Variants in ASPM observed in about 807,000 individuals in gnomAD.
ASPM encodes assembly factor for spindle microtubules.
Under a neutral mutation model 366.4 loss-of-function variants are expected in ASPM, and 256 were observed. The ratio of observed to expected loss-of-function variants is 0.70; its 90% CI spans 0.63 to 0.77. The LOEUF is 0.77. Ranked by LOEUF, ASPM falls within the 30% of genes least tolerant of loss-of-function variation. The pLI is 0.00. For synonymous variants in ASPM, 1,414 were observed against 1,342.9 expected (o/e 1.05, Z -1.16); for missense variants, 4,146 against 4,090.4 (o/e 1.01, Z -0.37).
Position 197,135,084 on chromosome 1 carries a change from T to C in ASPM, c.2173+12A>G, listed in dbSNP as rs546158337. ...AAGTATTATTAAATTTAAACATTAA[T>C]TTAACGTTTACCTTCAGAAATATTT... On this transcript the variant is annotated intron_variant, in intron 5 of 27. Coordinates refer to ENST00000367409, the MANE Select transcript of ASPM (RefSeq NM_018136.5). 3.3e-6 allele frequency: 5 copies of C among 1,515,644 alleles called. No individual in the cohort carries two copies. The highest frequency in any genetic ancestry group is 2.3e-5 in the East Asian group (1 of 43,044). The allele number at this position is 1,515,644 out of a possible 1,614,324, so 93.9% of individuals were successfully genotyped here.
At chr1:197,098,062 T>G (rs1251163123) in intron 18 of ASPM, among the ~76,000 whole-genome samples, 2 of 150,114 alleles carry the variant, frequency 1.3e-5, no homozygotes, top group Non-Finnish European at 3.0e-5. Context: ...TTACAGACAT[T>G]GACAAGAGAA....
In ASPM at chr1:197,146,534, G is replaced by A; in HGVS notation, c.-97C>T. 1 of 1,407,604 alleles carries A rather than the reference G, an allele frequency of 7.1e-7. No homozygotes were observed. The allele number at this position is 1,407,604 out of a possible 1,614,324, so 87.2% of individuals were successfully genotyped here. ...ACTTACGCTGACCGCTTCCCCTCAG[G>A]GGCGGCTGTAGAGGTCGTGGGAGTG... On this transcript the variant is annotated 5_prime_UTR_variant, in exon 1 of 28. Coordinates refer to ENST00000367409, the MANE Select transcript of ASPM (RefSeq NM_018136.5).
intron 4 of ASPM, chr1:197,139,306 C>G (rs1335798289): frequency 2.0e-5 from 17 of 834,214 alleles, no homozygotes; most frequent in Non-Finnish European, 3.0e-5. Flanking sequence ...GATAACAGCC[C>G]ATGTTTTTGG....
chr1:197,143,331 G>A lies in ASPM; in HGVS notation c.921C>T (p.Asn307=), dbSNP rs562871822. ...GAAAATGTATTTGGCTTTGTGTAAT[G>A]TTCAAAGTTGAAGAACAGTTGGGGG... ...SLTPNCSSTL[N]ITQSQIHFLS... The change falls in exon 3 of 28, where the codon AAC becomes AAT. Residue 307 remains asparagine (N), a synonymous_variant. Transcript: ENST00000367409. The A allele has an allele frequency of 5.0e-6, 8 of 1,613,946 alleles. No homozygotes were observed. The highest frequency in any genetic ancestry group is 6.8e-6 in the Non-Finnish European group (8 of 1,179,818).
chr1:197,132,439 G>T, intron 6 of ASPM, 87 bp from the exon 7 acceptor site: 2 of 1,067,938 alleles, frequency 1.9e-6, no homozygotes, highest in Admixed American at 2.0e-5. Context: ...ATATCAGTGG[G>T]AAAAAAATAC....
Position 197,133,434 on chromosome 1 carries a change from C to G in ASPM, c.2335G>C (p.Val779Leu), listed in dbSNP as rs930104995. ...ACRLFTSEKM[V>L]KAIKKLEIEI... Reference sequence around the variant, plus strand: ...ATTTCAAGCTTTTTAATAGCTTTAACCATTTTTTCAGAAGTAAACAAACGG... The same window carrying G: ...ATTTCAAGCTTTTTAATAGCTTTAAGCATTTTTTCAGAAGTAAACAAACGG... The change falls in exon 6 of 28, where the codon GTT becomes CTT. Residue 779 changes from valine to leucine, a missense_variant. Physicochemically the swap from Val to Leu is conservative, Grantham distance 32. This residue lies in a region of ASPM where 3,624 missense variants were observed against 3,591.7 expected (regional missense o/e 1.01). Coordinates refer to ENST00000367409, the MANE Select transcript of ASPM (RefSeq NM_018136.5). The G allele has an allele frequency of 6.2e-7, 1 of 1,614,022 alleles. No individual in the cohort carries two copies.
At position 197,102,839 on chromosome 1, in the gene ASPM, T is replaced by C. The variant is rs1372714173; in HGVS notation, c.6412A>G (p.Thr2138Ala). The C allele has an allele frequency of 1.2e-6, 2 of 1,612,534 alleles. No homozygotes were observed. Among genetic ancestry groups the C allele is most frequent in the African/African-American group, 2.7e-5 (2 of 74,942 alleles). ...ATAACAATAGCTGCTTTTCTCATTG[T>C]ATGGTAACTTATTCTTGACTGATGC... ...KMHQSRISYH[T>A]MRKAAIVIQV... Residue 2138 changes from threonine to alanine, a missense_variant, in exon 18 of 28, where the codon ACA becomes GCA. By Grantham distance (58) the Thr-to-Ala change is moderately conservative. Coordinates refer to ENST00000367409, the MANE Select transcript of ASPM (RefSeq NM_018136.5).
At position 197,102,183 on chromosome 1, in the gene ASPM, A is replaced by C; in HGVS notation, c.7068T>G (p.Ala2356=). The C allele has an allele frequency of 6.2e-7, 1 of 1,612,872 alleles. No individual in the cohort carries two copies. The highest frequency in any genetic ancestry group is 8.5e-7 in the Non-Finnish European group (1 of 1,179,298). The change falls in exon 18 of 28, where the codon GCT becomes GCG. Residue 2356 remains alanine, a synonymous_variant. Transcript: ENST00000367409. ...RMHRLHMRYQ[A]LKQASVVIQQ... ...GGATCACAACGGAGGCCTGTTTCAA[A>C]GCCTGATATCTCATATGTAATCTGT...
intron 26 of ASPM, among the ~76,000 whole-genome samples, chr1:197,087,219 C>G (rs1038026212): frequency 6.6e-6 from 1 of 151,932 alleles, no homozygotes; most frequent in African/African-American, 2.4e-5. Context: ...GGATTACAGG[C>G]ACCCGCCACC....
rs747960081 is a variant in ASPM at position 197,093,152 on chromosome 1, G to T, written c.9194C>A (p.Ala3065Asp). The T allele has an allele frequency of 5.6e-6, 9 of 1,612,000 alleles. No individual in the cohort carries two copies. Among genetic ancestry groups the T allele is most frequent in the African/African-American group, 1.3e-5 (1 of 74,748 alleles). Residue 3065 changes from alanine to aspartate, a missense_variant, in exon 21 of 28, where the codon GCC (alanine) becomes GAC (aspartate). Physicochemically the swap from Ala to Asp is moderately radical, Grantham distance 126. This residue lies in a region of ASPM where 3,624 missense variants were observed against 3,591.7 expected (regional missense o/e 1.01). Coordinates refer to ENST00000367409, the MANE Select transcript of ASPM (RefSeq NM_018136.5). ...AALIIQKYIR[A>D]REAGKHERIK... is the part of the protein sequence containing the mutation. ...CCTTTCATGCTTTCCAGCCTCCCTG[G>T]CTCGTATATATTTTTGTATGATCAA...
chr1:197,099,580 T>A (rs889379696), intron 18 of ASPM, among the ~76,000 whole-genome samples: 4 of 151,728 alleles, frequency 2.6e-5, no homozygotes, highest in Non-Finnish European at 4.4e-5. Flanking sequence ...ACACTTCTCA[T>A]GTTGTATTAT....
At chr1:197,130,949 A>C (rs1045686181) in intron 7 of ASPM, among the ~76,000 whole-genome samples, 1 of 152,194 alleles carries the variant, frequency 6.6e-6, no homozygotes, top group Admixed American at 6.5e-5. Context: ...GTTCCACACA[A>C]AGTTCTTGAT....
Position 197,132,439 on chromosome 1 carries a change from G to GA in ASPM, c.2420-88dup, listed in dbSNP as rs1246856538. On this transcript the variant is annotated intron_variant, in intron 6 of 27. Transcript: ENST00000367409. The stretch of plus-strand genomic sequence containing the variant: ...AACTTCAAGGAGAGTATATCAGTGG[G>GA]AAAAAAATACTTGCTTATATGAAAT... The GA allele has an allele frequency of 4.9e-5, 52 of 1,067,814 alleles. No homozygotes were observed. The South Asian group carries it at 6.1e-4, about 13-fold the overall frequency. The allele number at this position is 1,067,814 out of a possible 1,614,324, so 66.1% of individuals were successfully genotyped here.
chr1:197,141,675 T>C (rs1658588393), intron 3 of ASPM, among the ~76,000 whole-genome samples: 1 of 152,180 alleles, frequency 6.6e-6, no homozygotes, highest in Non-Finnish European at 1.5e-5. Flanking sequence ...TCTGCTTCTG[T>C]GCTTCCTTAA....
At position 197,086,925 on chromosome 1, in the gene ASPM, G is replaced by A. The variant is rs1656609212; in HGVS notation, c.10209C>T (p.Tyr3403=). 6.2e-7 allele frequency: 1 copy of A among 1,611,124 alleles called. No homozygotes were observed. Among genetic ancestry groups the A allele is most frequent in the Non-Finnish European group, 8.5e-7 (1 of 1,179,296 alleles). The change falls in exon 27 of 28, where the codon TAC becomes TAT. Residue 3403 remains tyrosine, a synonymous_variant. Transcript: ENST00000367409. ...SKVVDRIYSL[Y]KLTAHKHKMN... ...TTTTATGTTTATGAGCTGTAAGTTT[G>A]TAGAGACTGTAAATACGGTCAACAA... is the stretch of plus-strand genomic sequence containing the variant.
chr1:197,146,158 G>C lies in ASPM; in HGVS notation c.280C>G (p.Arg94Gly), dbSNP rs768948055. 2 of 1,613,948 alleles carry C rather than the reference G, an allele frequency of 1.2e-6. No homozygotes were observed. The highest frequency in any genetic ancestry group is 2.7e-5 in the African/African-American group (2 of 74,892). The change falls in exon 1 of 28, where the codon CGC becomes GGC. Residue 94 changes from arginine to glycine, a missense_variant. Arg to Gly is a moderately radical substitution (Grantham distance 125). Transcript: ENST00000367409. ...AADLGFSVSQ[R>G]CFVLQPKEKI... is the part of the protein sequence containing the mutation. ...AGACCTACCTGCAACACGAAACAGC[G>C]CTGCGACACACTGAAGCCCAGGTCC...
At chr1:197,133,180 A>G (rs1228991861) in intron 6 of ASPM, among the ~76,000 whole-genome samples, 170 bp downstream of exon 6, 1 of 152,188 alleles carries the variant, frequency 6.6e-6, no homozygotes, top group African/African-American at 2.4e-5. Context: ...AATTAGCTTG[A>G]TTGTTATAAT....
chr1:197,099,747 G>A (rs963208790), intron 18 of ASPM, among the ~76,000 whole-genome samples: 4 of 151,680 alleles, frequency 2.6e-5, no homozygotes, highest in African/African-American at 9.7e-5. Flanking sequence ...CAGTAATCCA[G>A]TAAGATATGA....
intron 10 of ASPM, among the ~76,000 whole-genome samples, chr1:197,127,053 A>C (rs1451792120): frequency 6.6e-6 from 1 of 152,196 alleles, no homozygotes; most frequent in Non-Finnish European, 1.5e-5. Flanking sequence ...AGTTCTTCAA[A>C]TATCTTAAAA....
Sources: allele counts gnomAD v4.1 joint callset (sites outside exome capture counted in the v4.1 genomes callset), GRCh38; gene constraint gnomAD v4.1.1; regional missense constraint gnomAD v4.1.1; transcripts MANE v1.5; gene names NCBI Gene and HGNC (gene_info 2026-07-23, HGNC 2026-07-21).